Variants in FOXP2 observed in about 807,000 individuals in gnomAD.
FOXP2 encodes the protein forkhead box P2.
Under a neutral mutation model 115.8 loss-of-function variants are expected in FOXP2, and 12 were observed. The ratio of observed to expected loss-of-function variants is 0.10; its 90% CI spans 0.07 to 0.17. The LOEUF is 0.17. FOXP2 is among the 10% of genes least tolerant of loss of function. The pLI is 1.00. For missense variants in FOXP2, 629 were observed against 843.5 expected (o/e 0.75, Z 3.15); for synonymous variants, 328 against 297.7 (o/e 1.10, Z -1.05).
intron 2 of FOXP2, among the ~76,000 whole-genome samples, chr7:114,492,717 C>G (rs891092937): frequency 2.6e-5 from 4 of 152,038 alleles, no homozygotes; most frequent in Non-Finnish European, 5.9e-5. Context: ...TGCAGTTGAG[C>G]AGTTTTGAGT....
chr7:114,216,289 A>G (rs1024604213), intron 1 of FOXP2, among the ~76,000 whole-genome samples: 1 of 152,096 alleles, frequency 6.6e-6, no homozygotes, highest in African/African-American at 2.4e-5. Flanking sequence ...AATTCCTCCA[A>G]TCAATTATAC....
chr7:114,347,009 A>G (rs1261139256), intron 2 of FOXP2, among the ~76,000 whole-genome samples: 2 of 151,936 alleles, frequency 1.3e-5, no homozygotes, highest in African/African-American at 2.4e-5. Flanking sequence ...GTAGAATTAC[A>G]AGGTATCAAT....
At chr7:114,088,421 A>G (rs966804348) in intron 1 of FOXP2, among the ~76,000 whole-genome samples, 4 of 152,238 alleles carry the variant, frequency 2.6e-5, no homozygotes, top group African/African-American at 9.6e-5. Flanking sequence ...ATACTTAAGT[A>G]GTAGCAGGTA....
chr7:114,218,665 T>C (rs1395319508), intron 1 of FOXP2, among the ~76,000 whole-genome samples: 3 of 152,084 alleles, frequency 2.0e-5, no homozygotes, highest in Non-Finnish European at 4.4e-5. Flanking sequence ...TAATCTAAGT[T>C]AAGGAAAGTC....
chr7:114,477,485 C>T (rs1796329424), intron 2 of FOXP2, among the ~76,000 whole-genome samples: 1 of 151,806 alleles, frequency 6.6e-6, no homozygotes, highest in African/African-American at 2.4e-5. Context: ...ACACTGGGGA[C>T]TACTAGAGCG....
In FOXP2 at chr7:114,545,602, G is replaced by C. The variant is rs1799879567; in HGVS notation, c.258+10896G>C. ...ACCTTAAGAAAAGATGGATTGTATAGTATCAATCAATAGATTGATAGTTGT... is the reference window on the plus strand; with the variant it reads ...ACCTTAAGAAAAGATGGATTGTATACTATCAATCAATAGATTGATAGTTGT... On this transcript the variant is annotated intron_variant, in intron 3 of 16. Coordinates refer to ENST00000350908, the MANE Select transcript of FOXP2 (RefSeq NM_014491.4). 2.6e-5 allele frequency among the ~76,000 whole-genome samples: 4 copies of C among 152,204 alleles called. No homozygotes were observed. In the South Asian group the frequency reaches 8.3e-4, roughly 32 times the overall value.
chr7:114,188,867 C>T (rs1562997863), intron 1 of FOXP2, among the ~76,000 whole-genome samples: 1 of 152,078 alleles, frequency 6.6e-6, no homozygotes, highest in Non-Finnish European at 1.5e-5. Context: ...CATGAATAGT[C>T]TGCTATTTGG....
intron 1 of FOXP2, among the ~76,000 whole-genome samples, chr7:114,217,813 C>T (rs1283046190): frequency 6.6e-6 from 1 of 152,142 alleles, no homozygotes; most frequent in Non-Finnish European, 1.5e-5. Flanking sequence ...TTGTTTTATT[C>T]TGTGCTTTTC....
At chr7:114,250,851 T>C (rs1221107310) in intron 1 of FOXP2, among the ~76,000 whole-genome samples, 2 of 152,228 alleles carry the variant, frequency 1.3e-5, no homozygotes, top group African/African-American at 2.4e-5. Flanking sequence ...CTTTTGGTGT[T>C]TTAGACATGA....
intron 2 of FOXP2, among the ~76,000 whole-genome samples, chr7:114,494,230 A>G (rs1797206113): frequency 6.6e-6 from 1 of 152,210 alleles, no homozygotes; most frequent in Non-Finnish European, 1.5e-5. Flanking sequence ...TAGAATATTC[A>G]TAACATAATT....
At chr7:114,496,306 A>G (rs577965811) in intron 2 of FOXP2, among the ~76,000 whole-genome samples, 47 of 152,290 alleles carry the variant, frequency 3.1e-4, no homozygotes, top group African/African-American at 1.1e-3. Flanking sequence ...TCATTCTGCT[A>G]TGGGGAAAAA....
chr7:114,164,290 T>A (rs1004780934), intron 1 of FOXP2, among the ~76,000 whole-genome samples: 1 of 151,504 alleles, frequency 6.6e-6, no homozygotes, highest in Non-Finnish European at 1.5e-5. Context: ...AGTTCAAAAC[T>A]TTTTTTTTGT....
At chr7:114,532,061 A>G (rs1584860134) in intron 2 of FOXP2, among the ~76,000 whole-genome samples, 1 of 151,836 alleles carries the variant, frequency 6.6e-6, no homozygotes, top group Non-Finnish European at 1.5e-5. Context: ...TCATCCTAGT[A>G]TTGTTTCTTC....
At chr7:114,170,021 G>T (rs991299990) in intron 1 of FOXP2, among the ~76,000 whole-genome samples, 9 of 152,014 alleles carry the variant, frequency 5.9e-5, no homozygotes, top group Non-Finnish European at 1.3e-4. Flanking sequence ...TTTGTAAATC[G>T]CCCTGTCTCC....
At chr7:114,509,328 G>T (rs1377681032) in intron 2 of FOXP2, among the ~76,000 whole-genome samples, 1 of 151,982 alleles carries the variant, frequency 6.6e-6, no homozygotes, top group Non-Finnish European at 1.5e-5. Context: ...TGTTGCCCAG[G>T]CTGGAGTGCA....
At chr7:114,468,927 T>C (rs1452050523) in intron 2 of FOXP2, among the ~76,000 whole-genome samples, 1 of 152,184 alleles carries the variant, frequency 6.6e-6, no homozygotes, top group Non-Finnish European at 1.5e-5. Context: ...ACCTTGAAAA[T>C]TGTTCTTTCT....
At chr7:114,408,692 A>T (rs980123394) in intron 2 of FOXP2, among the ~76,000 whole-genome samples, 1 of 152,070 alleles carries the variant, frequency 6.6e-6, no homozygotes, top group Non-Finnish European at 1.5e-5. Context: ...GAGCCATTGC[A>T]CTCCAATCGG....
At chr7:114,166,143 A>C (rs1455063523) in intron 1 of FOXP2, among the ~76,000 whole-genome samples, 2 of 152,278 alleles carry the variant, frequency 1.3e-5, no homozygotes, top group Middle Eastern at 3.4e-3. Context: ...AAAACAAAAA[A>C]CTATAAAACT....
intron 3 of FOXP2, among the ~76,000 whole-genome samples, chr7:114,553,823 G>A (rs2129288328): frequency 6.6e-6 from 1 of 152,148 alleles, no homozygotes; most frequent in Admixed American, 6.5e-5. Flanking sequence ...TTTGAAAAAG[G>A]AAATATCAAA....
Sources: gnomAD v4.1 joint callset for allele counts (sites outside exome capture counted in the v4.1 genomes callset) on GRCh38, gnomAD v4.1.1 for gene constraint, MANE v1.5 for transcripts, NCBI Gene and HGNC (gene_info 2026-07-23, HGNC 2026-07-21) for gene names.